PDCD1LG2: variants seen among roughly 807,000 people sequenced by gnomAD.
PDCD1LG2 encodes programmed cell death 1 ligand 2, also known as B7 dendritic cell molecule.
Under a neutral mutation model 28.2 loss-of-function variants are expected in PDCD1LG2, and 32 were observed. That is an observed-to-expected ratio of 1.13 (90% confidence interval 0.86 to 1.52). The LOEUF (loss-of-function observed/expected upper bound fraction) is 1.52. PDCD1LG2 is among the 40% of genes most tolerant of loss of function. The pLI is 0.00. For synonymous variants in PDCD1LG2, 116 were observed against 120.2 expected (o/e 0.97, Z 0.23); for missense variants, 385 against 323.8 (o/e 1.19, Z -1.45).
intron 2 of PDCD1LG2, 137 bp from the exon 3 acceptor site, chr9:5,534,608 G>C (rs139767711): frequency 5.5e-6 from 4 of 723,746 alleles, no homozygotes; most frequent in African/African-American, 3.6e-5. Context: ...GGAGAAAAAG[G>C]ATTCGCCACG....
intron 3 of PDCD1LG2, among the ~76,000 whole-genome samples, chr9:5,544,123 A>G (rs1336271593): frequency 6.6e-6 from 1 of 152,254 alleles, no homozygotes; most frequent in Non-Finnish European, 1.5e-5. Context: ...TGCTTGTAAC[A>G]TATCTGTCAG....
intron 4 of PDCD1LG2, among the ~76,000 whole-genome samples, chr9:5,556,177 G>A (rs1049458556): frequency 7.9e-5 from 12 of 152,144 alleles, no homozygotes; most frequent in African/African-American, 1.9e-4. Context: ...GCTTCTGTAC[G>A]TGGAAGAGAC....
chr9:5,536,390 A>G (rs1180533501), intron 3 of PDCD1LG2, among the ~76,000 whole-genome samples: 7 of 152,160 alleles, frequency 4.6e-5, no homozygotes, highest in African/African-American at 1.7e-4. Flanking sequence ...TCAACCATCA[A>G]TGAGTCACCA....
chr9:5,569,414 CAG>C lies in PDCD1LG2; in HGVS notation c.817-537_817-536del, dbSNP rs1816728081. On this transcript the variant is annotated intron_variant, in intron 6 of 6. Transcript: ENST00000397747. This position sits in a 1 kb window ranked among gnomAD's most constrained non-coding sequence, Gnocchi z 4.1. The stretch of plus-strand genomic sequence containing the variant: ...ATCTGGCAGGACCTATGGTCTTTAA[CAG>C]AGGGACAAAGTCAACCCACAACTTG... Among the ~76,000 whole-genome samples the C allele has an allele frequency of 6.6e-6, 1 of 152,124 alleles. No individual in the cohort carries two copies. Among genetic ancestry groups the C allele is most frequent in the Admixed American group, 6.5e-5 (1 of 15,270 alleles).
chr9:5,539,630 C>A (rs956425722), intron 3 of PDCD1LG2, among the ~76,000 whole-genome samples: 1 of 152,110 alleles, frequency 6.6e-6, no homozygotes, highest in South Asian at 2.1e-4. Context: ...GAGGAAGGGG[C>A]GGGAGCATGG....
At chr9:5,524,277 T>A (rs913164906) in intron 2 of PDCD1LG2, among the ~76,000 whole-genome samples, 3 of 152,226 alleles carry the variant, frequency 2.0e-5, no homozygotes, top group African/African-American at 7.2e-5. Context: ...ATGATGATGG[T>A]AATCAAAAAT....
rs1387262930 is a variant in PDCD1LG2 at position 5,569,982 on chromosome 9, G to T, written c.*23G>T. On this transcript the variant is annotated 3_prime_UTR_variant, in exon 7 of 7. Coordinates refer to ENST00000397747, the MANE Select transcript of PDCD1LG2 (RefSeq NM_025239.4). The surrounding 1 kb of genome is among the most constrained non-coding windows in gnomAD (Gnocchi z 4.1). ...TGAACCTGTGGTCTTGGGAGCCAGG[G>T]TGACCTGATATGACATCTAAAGAAG... The T allele has an allele frequency of 6.2e-7, 1 of 1,613,968 alleles. No homozygotes were observed. Among genetic ancestry groups the T allele is most frequent in the Admixed American group, 1.7e-5 (1 of 60,020 alleles).
intron 1 of PDCD1LG2, among the ~76,000 whole-genome samples, chr9:5,511,015 G>A (rs1179453980): frequency 1.3e-5 from 2 of 152,162 alleles, no homozygotes; most frequent in African/African-American, 4.8e-5. Flanking sequence ...TGTTCTTGTT[G>A]CTCAGTTTTA....
At chr9:5,566,253 A>C (rs1480363153) in intron 6 of PDCD1LG2, among the ~76,000 whole-genome samples, 1 of 152,218 alleles carries the variant, frequency 6.6e-6, no homozygotes, top group Admixed American at 6.5e-5. Context: ...CCAACTTAAG[A>C]AGCACAGGGC....
chr9:5,546,776 A>G (rs143211573), intron 3 of PDCD1LG2, among the ~76,000 whole-genome samples: 65 of 152,354 alleles, frequency 4.3e-4, no homozygotes, highest in African/African-American at 1.5e-3. Flanking sequence ...TTTAAATGAC[A>G]TAATGTATTA....
chr9:5,544,285 C>A (rs1402657607), intron 3 of PDCD1LG2, among the ~76,000 whole-genome samples: 2 of 152,196 alleles, frequency 1.3e-5, no homozygotes, highest in Non-Finnish European at 2.9e-5. Context: ...GCTGCTCCTA[C>A]CACTAGGCTA....
At position 5,549,583 on chromosome 9, in the gene PDCD1LG2, T is replaced by C. The variant is rs758060751; in HGVS notation, c.610T>C (p.Leu204=). ...GAATACTCACGTGAGGGAACTTACT[T>C]TGGCCAGCATTGACCTTCAAAGTAA... is the stretch of plus-strand genomic sequence containing the variant. ...FWNTHVRELT[L]ASIDLQSQME... Residue 204 remains leucine (L), a synonymous_variant, in exon 4 of 7, where the codon TTG becomes CTG. Transcript: ENST00000397747. 6.2e-6 allele frequency: 10 copies of C among 1,614,096 alleles called. No homozygotes were observed. The highest frequency in any genetic ancestry group is 8.5e-6 in the Non-Finnish European group (10 of 1,180,036).
intron 2 of PDCD1LG2, among the ~76,000 whole-genome samples, chr9:5,533,647 T>G (rs1021770338): frequency 6.6e-6 from 1 of 152,148 alleles, no homozygotes; most frequent in Non-Finnish European, 1.5e-5. Flanking sequence ...TTTAACTCCC[T>G]TTAGGCTTTG....
chr9:5,568,800 T>A (rs1816715747), intron 6 of PDCD1LG2, among the ~76,000 whole-genome samples: 1 of 152,222 alleles, frequency 6.6e-6, no homozygotes, highest in South Asian at 2.1e-4. Context: ...TGCCCATGAA[T>A]TTTTAATGGT....
At position 5,534,481 on chromosome 9, in the gene PDCD1LG2, G is replaced by T. The variant is rs571020908; in HGVS notation, c.56-264G>T. Reference sequence around the variant, plus strand: ...TGCTGTCCACCAGAAGCTCTTGCTGGGGTGCCCAGAGAGGAGCAAAGGGCA... The same window carrying T: ...TGCTGTCCACCAGAAGCTCTTGCTGTGGTGCCCAGAGAGGAGCAAAGGGCA... On this transcript the variant is annotated intron_variant, in intron 2 of 6. Transcript: ENST00000397747. Among the ~76,000 whole-genome samples the T allele has an allele frequency of 2.0e-5, 3 of 152,300 alleles. No individual in the cohort carries two copies. In the Middle Eastern group the frequency reaches 0.01, roughly 518 times the overall value.
intron 1 of PDCD1LG2, among the ~76,000 whole-genome samples, chr9:5,511,425 C>T (rs1004857566): frequency 2.0e-5 from 3 of 152,116 alleles, no homozygotes; most frequent in East Asian, 1.9e-4. Context: ...GATTGCTCAC[C>T]GCCTGGATGC....
At chr9:5,551,860 C>T (rs922252507) in intron 4 of PDCD1LG2, among the ~76,000 whole-genome samples, 1 of 152,184 alleles carries the variant, frequency 6.6e-6, no homozygotes, top group African/African-American at 2.4e-5. Flanking sequence ...ACTGAGCCTT[C>T]CAGCTGGGAG....
chr9:5,556,429 T>TG (rs1816443908), intron 4 of PDCD1LG2, among the ~76,000 whole-genome samples: 1 of 152,202 alleles, frequency 6.6e-6, no homozygotes, highest in South Asian at 2.1e-4. Flanking sequence ...CAAATATCTG[T>TG]GGGGGCTGAG....
intron 6 of PDCD1LG2, among the ~76,000 whole-genome samples, chr9:5,567,695 C>T (rs1325937091): frequency 6.6e-6 from 1 of 152,190 alleles, no homozygotes; most frequent in Non-Finnish European, 1.5e-5. Flanking sequence ...TAGTGCTACT[C>T]ACTCATTTAT....
Sources: allele counts gnomAD v4.1 joint callset (sites outside exome capture counted in the v4.1 genomes callset), GRCh38; gene constraint gnomAD v4.1.1; non-coding constraint Gnocchi (gnomAD v3.1); transcripts MANE v1.5; gene names NCBI Gene and HGNC (gene_info 2026-07-23, HGNC 2026-07-21).